Variants in AUTS2 observed in about 807,000 individuals in gnomAD.
The protein encoded by AUTS2 is autism susceptibility gene 2 protein.
A neutral mutation model predicts 112.4 loss-of-function variants in AUTS2; 17 were observed. That is an observed-to-expected ratio of 0.15 (90% CI 0.10 to 0.23). The LOEUF is 0.23. AUTS2 is among the 10% of genes least tolerant of loss of function. The probability of loss-of-function intolerance (pLI) is 1.00; values close to 1 mark genes in which losing one functional copy is unlikely to be tolerated. For missense variants in AUTS2, 1,510 were observed against 1,701.6 expected (o/e 0.89, Z 1.98); for synonymous variants, 751 against 702.7 (o/e 1.07, Z -1.09).
At position 70,793,273 on chromosome 7, in the gene AUTS2, G is replaced by A. The variant is rs1049515019; in HGVS notation, c.*2277G>A. ...TGATGAGAATTCTGACCTAGGGCCT[G>A]TGACAACAGTTTTTGCTTGCTCGTT... On this transcript the variant is annotated 3_prime_UTR_variant, in exon 19 of 19. Transcript: ENST00000342771. 1.3e-5 allele frequency: 2 copies of A among 152,144 alleles called. No individual in the cohort carries two copies. The highest frequency in any genetic ancestry group is 2.9e-5 in the Non-Finnish European group (2 of 68,036). 9.4% of individuals were successfully genotyped at this position (152,144 alleles called of 1,614,324 possible).
At chr7:69,876,484 GTA>G (rs58131271) in intron 1 of AUTS2, among the ~76,000 whole-genome samples, 691 of 54,274 alleles carry the variant, frequency 0.013, 80 homozygotes, top group South Asian at 0.027. Context: ...AATATTTTGT[GTA>G]TATATATATA....
intron 1 of AUTS2, among the ~76,000 whole-genome samples, chr7:69,620,281 A>G (rs764350579): frequency 2.0e-5 from 3 of 152,228 alleles, no homozygotes; most frequent in South Asian, 2.1e-4. Context: ...GGGCAAGGCT[A>G]TCAGGTTACC....
chr7:70,180,847 G>A (rs1285711104), intron 4 of AUTS2, among the ~76,000 whole-genome samples: 6 of 152,020 alleles, frequency 3.9e-5, no homozygotes, highest in Admixed American at 1.3e-4. Context: ...GCTAGGCTCC[G>A]AAGATTCCTC....
At chr7:69,948,182 A>G (rs899888345) in intron 2 of AUTS2, among the ~76,000 whole-genome samples, 1 of 152,190 alleles carries the variant, frequency 6.6e-6, no homozygotes, top group Non-Finnish European at 1.5e-5. Flanking sequence ...TGAGTAGTCA[A>G]GTAGATAAGA....
At chr7:70,782,618 C>T (rs1478343694) in intron 15 of AUTS2, 1 of 152,192 alleles carries the variant, frequency 6.6e-6, no homozygotes, top group South Asian at 2.1e-4. Context: ...TCAGTTAACA[C>T]TTAAAAATGA....
intron 1 of AUTS2, among the ~76,000 whole-genome samples, chr7:69,683,921 C>CA (rs1272487089): frequency 2.6e-5 from 4 of 152,092 alleles, no homozygotes; most frequent in East Asian, 3.9e-4. Flanking sequence ...TGTCAAAAAA[C>CA]AAAAAACAAA....
intron 1 of AUTS2, among the ~76,000 whole-genome samples, chr7:69,729,932 A>G (rs1208315250): frequency 7.1e-6 from 1 of 141,844 alleles, no homozygotes; most frequent in Non-Finnish European, 1.6e-5. Flanking sequence ...TTGTCTTTTA[A>G]TGGGTTATGG....
chr7:70,754,646 T>C (rs1789076647), intron 6 of AUTS2, among the ~76,000 whole-genome samples: 1 of 152,268 alleles, frequency 6.6e-6, no homozygotes, highest in Non-Finnish European at 1.5e-5. Flanking sequence ...AATTTTCTTA[T>C]TTGACTGTGA....
At chr7:70,077,360 C>T (rs1264316406) in intron 2 of AUTS2, among the ~76,000 whole-genome samples, 2 of 152,172 alleles carry the variant, frequency 1.3e-5, no homozygotes, top group East Asian at 3.9e-4. Flanking sequence ...AGTCCAAACC[C>T]AGATGTTTTG....
chr7:70,790,182 A>G lies in AUTS2; in HGVS notation c.2966A>G (p.Asp989Gly). 2 of 1,612,272 alleles carry G rather than the reference A, an allele frequency of 1.2e-6. No homozygotes were observed. The highest frequency in any genetic ancestry group is 1.7e-6 in the Non-Finnish European group (2 of 1,179,702). The change falls in exon 19 of 19, where the codon GAC becomes GGC. Residue 989 changes from aspartate to glycine, a missense_variant. Transcript: ENST00000342771. The surrounding 1 kb of genome is among the most constrained non-coding windows in gnomAD (Gnocchi z 7.6). ...EVKVKEERKE[D>G]HDLPPEAPQT... is the part of the protein sequence containing the mutation. ...AAGGTGAAGGAGGAGCGGAAGGAAG[A>G]CCATGACCTGCCTCCAGAGGCCCCG...
At chr7:70,082,629 T>G (rs1167707294) in intron 2 of AUTS2, among the ~76,000 whole-genome samples, 1 of 152,222 alleles carries the variant, frequency 6.6e-6, no homozygotes, top group Admixed American at 6.5e-5. Context: ...TTTAGTCTTG[T>G]ATTTCTTGAA....
At chr7:70,116,840 A>G (rs1361269850) in intron 2 of AUTS2, among the ~76,000 whole-genome samples, 1 of 151,994 alleles carries the variant, frequency 6.6e-6, no homozygotes, top group Non-Finnish European at 1.5e-5. Flanking sequence ...GTGGTGTTGT[A>G]TTTGCTTATC....
chr7:69,750,641 A>G (rs1244943435), intron 1 of AUTS2, among the ~76,000 whole-genome samples: 11 of 151,974 alleles, frequency 7.2e-5, no homozygotes, highest in Non-Finnish European at 1.5e-5. Context: ...ACCCACAGGC[A>G]TGAGCCACCA....
intron 1 of AUTS2, among the ~76,000 whole-genome samples, chr7:69,860,706 T>C (rs1286273082): frequency 6.6e-6 from 1 of 152,112 alleles, no homozygotes; most frequent in East Asian, 1.9e-4. Flanking sequence ...AATCTTGGGT[T>C]TCTTTAAAGT....
intron 5 of AUTS2, among the ~76,000 whole-genome samples, chr7:70,540,318 C>T (rs1342003434): frequency 1.3e-5 from 2 of 152,140 alleles, no homozygotes; most frequent in Non-Finnish European, 2.9e-5. Context: ...GCAGCTACCC[C>T]CCTAGCAGAT....
At chr7:70,740,896 C>A (rs1788064511) in intron 6 of AUTS2, among the ~76,000 whole-genome samples, 1 of 151,892 alleles carries the variant, frequency 6.6e-6, no homozygotes, top group Non-Finnish European at 1.5e-5. Flanking sequence ...GAGTTTGAGA[C>A]CCGCCTGGGC....
intron 4 of AUTS2, among the ~76,000 whole-genome samples, chr7:70,417,462 C>G (rs1435179414): frequency 6.6e-6 from 1 of 152,152 alleles, no homozygotes; most frequent in Admixed American, 6.5e-5. Flanking sequence ...CCTTTAAGAT[C>G]TAGAAGGGGA....
chr7:70,003,598 G>A (rs1277915230), intron 2 of AUTS2, among the ~76,000 whole-genome samples: 7 of 118,044 alleles, frequency 5.9e-5, no homozygotes, highest in South Asian at 5.3e-4. Flanking sequence ...ATATGAATAT[G>A]TTATATATGA....
intron 1 of AUTS2, among the ~76,000 whole-genome samples, chr7:69,753,630 G>A (rs1267209373): frequency 6.6e-6 from 1 of 152,162 alleles, no homozygotes; most frequent in African/African-American, 2.4e-5. Context: ...GTTAGTGTCA[G>A]GAAAGTCCAA....
Sources: gnomAD v4.1 joint callset for allele counts (sites outside exome capture counted in the v4.1 genomes callset) on GRCh38, gnomAD v4.1.1 for gene constraint, Gnocchi (gnomAD v3.1) non-coding constraint, MANE v1.5 for transcripts, NCBI Gene and HGNC (gene_info 2026-07-23, HGNC 2026-07-21) for gene names.